RELN: variants seen among roughly 807,000 people sequenced by gnomAD.
RELN encodes the protein reelin.
A neutral mutation model predicts 427.6 loss-of-function variants in RELN; 108 were observed. That is an observed-to-expected ratio of 0.25 (90% CI 0.22 to 0.30). RELN has a LOEUF of 0.30. Among genes scored for constraint, RELN ranks in the 10% least tolerant of loss-of-function variants. The pLI is 1.00. For missense variants in RELN, 3,715 were observed against 4,302.8 expected (o/e 0.86, Z 3.82); for synonymous variants, 1,524 against 1,513.4 (o/e 1.01, Z -0.16).
intron 2 of RELN, among the ~76,000 whole-genome samples, chr7:103,890,826 C>T (rs1794832612): frequency 6.6e-6 from 1 of 152,162 alleles, no homozygotes; most frequent in South Asian, 2.1e-4. Context: ...GCCTGTAATC[C>T]CAGCACTTTG....
At chr7:103,714,867 G>A (rs1413185333) in intron 8 of RELN, among the ~76,000 whole-genome samples, 3 of 152,198 alleles carry the variant, frequency 2.0e-5, no homozygotes, top group African/African-American at 7.2e-5. Flanking sequence ...TGCATGAACA[G>A]AAATCCTCTA....
intron 2 of RELN, among the ~76,000 whole-genome samples, chr7:103,873,450 G>C (rs1344315859): frequency 3.5e-5 from 4 of 114,116 alleles, no homozygotes; most frequent in Non-Finnish European, 5.6e-5. Context: ...AAAATTGATA[G>C]ACCGCTAGCA....
chr7:103,627,823 A>G (rs1832360509), intron 20 of RELN: 1 of 152,204 alleles, frequency 6.6e-6, no homozygotes, highest in African/African-American at 2.4e-5. Context: ...TCCACCAATT[A>G]AAGCGGTGGT....
At chr7:103,790,627 A>G (rs1792138090) in intron 3 of RELN, among the ~76,000 whole-genome samples, 1 of 152,044 alleles carries the variant, frequency 6.6e-6, no homozygotes, top group Admixed American at 6.6e-5. Flanking sequence ...GAGGCTGATG[A>G]GATCATGAGG....
intron 31 of RELN, among the ~76,000 whole-genome samples, chr7:103,567,590 A>G (rs1830783406): frequency 1.3e-5 from 2 of 152,132 alleles, no homozygotes; most frequent in African/African-American, 4.8e-5. Context: ...TAAGAATAAG[A>G]CTGTGCCAGC....
intron 28 of RELN, among the ~76,000 whole-genome samples, chr7:103,583,034 T>G (rs1831190095): frequency 6.6e-6 from 1 of 152,192 alleles, no homozygotes; most frequent in Admixed American, 6.5e-5. Context: ...AAGCCATATG[T>G]CTCATTTTCA....
rs761934008 is a variant in RELN, at chr7:103,515,293, G to C, written c.8011C>G (p.Leu2671Val). The change falls in exon 50 of 65, where the codon CTG (leucine) becomes GTG (valine). Residue 2671 changes from leucine (L) to valine (V), a missense_variant. Coordinates refer to ENST00000428762, the MANE Select transcript of RELN (RefSeq NM_005045.4). Reference protein sequence around the residue: ...SGSADQRTVMLDTFSSAPVPQ... With the variant: ...SGSADQRTVMVDTFSSAPVPQ... Reference sequence around the variant, plus strand: ...ACTGGGGCGCTGCTGAAGGTGTCCAGCATAACGGTCCTTTGGTCAGCAGAG... The same window carrying C: ...ACTGGGGCGCTGCTGAAGGTGTCCACCATAACGGTCCTTTGGTCAGCAGAG... 8.7e-6 allele frequency: 14 copies of C among 1,614,044 alleles called. No homozygotes were observed. The highest frequency in any genetic ancestry group is 8.5e-6 in the Non-Finnish European group (10 of 1,180,020).
chr7:103,940,228 G>C (rs951649276), intron 1 of RELN, among the ~76,000 whole-genome samples: 1 of 152,160 alleles, frequency 6.6e-6, no homozygotes, highest in Non-Finnish European at 1.5e-5. Context: ...CTACTTGTTG[G>C]CTGGGTTGCC....
In RELN at chr7:103,749,506, TA is replaced by T. The variant is rs1047136329; in HGVS notation, c.578-3del. The T allele has an allele frequency of 3.7e-6, 6 of 1,607,994 alleles. No individual in the cohort carries two copies. The highest frequency in any genetic ancestry group is 5.1e-6 in the Non-Finnish European group (6 of 1,174,628). The stretch of plus-strand genomic sequence containing the variant: ...TAATGCTGTCACTATGTATTTCAGC[TA>T]AAAGAAAAAGGAAGTATTTAGGAAA... On this transcript the variant is annotated splice_region_variant and splice_polypyrimidine_tract_variant and intron_variant, in intron 5 of 64. Coordinates refer to ENST00000428762, the MANE Select transcript of RELN (RefSeq NM_005045.4).
At position 103,593,973 on chromosome 7, in the gene RELN, T is replaced by C. The variant is rs2117249225; in HGVS notation, c.3712-91A>G. The stretch of plus-strand genomic sequence containing the variant: ...TCATTTCATGACATGCTGGGCCATG[T>C]ACCATTTGCATTTCTAGGAAAACAC... On this transcript the variant is annotated intron_variant, in intron 26 of 64. Transcript: ENST00000428762. 4 of 978,668 alleles carry C rather than the reference T, an allele frequency of 4.1e-6. No homozygotes were observed. The East Asian group carries it at 1.0e-4, about 25-fold the overall frequency. 60.6% of individuals were successfully genotyped at this position (978,668 alleles called of 1,614,324 possible). A position where few individuals can be genotyped will look rare whatever the true frequency, so the allele number is the denominator to read the frequency against.
intron 3 of RELN, among the ~76,000 whole-genome samples, chr7:103,831,228 C>G (rs1289240544): frequency 6.6e-6 from 1 of 151,972 alleles, no homozygotes; most frequent in Non-Finnish European, 1.5e-5. Flanking sequence ...TTATGTATGG[C>G]AAGAATTCGA....
In RELN at chr7:103,538,939, G is replaced by A. The variant is rs116579072; in HGVS notation, c.7180+139C>T. 5.9e-3 allele frequency: 5,362 copies of A among 904,570 alleles called. 180 individuals are homozygous for A. The African/African-American group carries it at 0.077, about 13-fold the overall frequency. 56.0% of individuals were successfully genotyped at this position (904,570 alleles called of 1,614,324 possible). ...TTTAATACATGCAGTATTTTCAAGA[G>A]TACAGTGTGGTTTGACTCAAAGTGC... On this transcript the variant is annotated intron_variant, in intron 45 of 64. Coordinates refer to ENST00000428762, the MANE Select transcript of RELN (RefSeq NM_005045.4).
intron 12 of RELN, among the ~76,000 whole-genome samples, chr7:103,658,803 ATCTCTCTCTC>A (rs140889823): frequency 6.9e-6 from 1 of 145,528 alleles, no homozygotes; most frequent in Non-Finnish European, 1.5e-5. Context: ...ATCCTGGTTG[ATCTCTCTCTC>A]TCTCTCTCTC....
At chr7:103,898,785 G>T (rs552863905) in intron 2 of RELN, among the ~76,000 whole-genome samples, 39 of 151,988 alleles carry the variant, frequency 2.6e-4, no homozygotes, top group Non-Finnish European at 4.1e-4. Context: ...AAAGCTAAAG[G>T]CTCCTTTAAA....
intron 4 of RELN, among the ~76,000 whole-genome samples, chr7:103,768,670 T>TA (rs928530062): frequency 5.3e-5 from 8 of 152,238 alleles, no homozygotes; most frequent in East Asian, 1.9e-4. Flanking sequence ...GATTAAATGT[T>TA]AAAAAAACCA....
At chr7:103,874,289 A>C (rs1209495306) in intron 2 of RELN, among the ~76,000 whole-genome samples, 2 of 125,498 alleles carry the variant, frequency 1.6e-5, no homozygotes, top group African/African-American at 5.7e-5. Flanking sequence ...CCCTTTGAAA[A>C]CTGGCACAAG....
At chr7:103,863,797 T>C (rs1403105032) in intron 2 of RELN, among the ~76,000 whole-genome samples, 3 of 151,542 alleles carry the variant, frequency 2.0e-5, no homozygotes, top group Non-Finnish European at 2.9e-5. Context: ...AAATTTCACA[T>C]GAGATAAATC....
intron 20 of RELN, among the ~76,000 whole-genome samples, chr7:103,627,245 A>T (rs1832348407): frequency 6.6e-6 from 1 of 152,178 alleles, no homozygotes; most frequent in South Asian, 2.1e-4. Flanking sequence ...ATGTTTAAAT[A>T]ATTTTTACTT....
At chr7:103,826,984 T>C (rs910379080) in intron 3 of RELN, among the ~76,000 whole-genome samples, 9 of 151,036 alleles carry the variant, frequency 6.0e-5, no homozygotes, top group African/African-American at 2.0e-4. Flanking sequence ...AGGAAGAGGT[T>C]GTTTTGCTAT....
Sources: allele counts gnomAD v4.1 joint callset (sites outside exome capture counted in the v4.1 genomes callset), GRCh38; gene constraint gnomAD v4.1.1; transcripts MANE v1.5; gene names NCBI Gene and HGNC (gene_info 2026-07-23, HGNC 2026-07-21).